EARS2: variants seen among roughly 807,000 people sequenced by gnomAD.
EARS2 encodes the protein nondiscriminating glutamyl-tRNA synthetase EARS2, mitochondrial.
In EARS2, 50 loss-of-function variants were observed where a neutral mutation model predicts 54.1. That is an observed-to-expected ratio of 0.92 (90% CI 0.74 to 1.17). The LOEUF is 1.17. Ranked by LOEUF, EARS2 falls within the 50% of genes most tolerant of loss-of-function variation. The pLI is 0.00. For missense variants in EARS2, 673 were observed against 675.0 expected (o/e 1.00, Z 0.03); for synonymous variants, 298 against 281.0 (o/e 1.06, Z -0.61).
intron 2 of EARS2, among the ~76,000 whole-genome samples, chr16:23,550,507 G>A (rs373147414): frequency 3.1e-5 from 4 of 128,184 alleles, no homozygotes; most frequent in South Asian, 2.5e-4. Flanking sequence ...ATGCAATCTC[G>A]GCTCACTGCA....
At chr16:23,556,451 T>C (rs1965787315) in intron 1 of EARS2, among the ~76,000 whole-genome samples, 1 of 152,186 alleles carries the variant, frequency 6.6e-6, no homozygotes, top group African/African-American at 2.4e-5. Flanking sequence ...ACCTCCTGCG[T>C]TCAAGCGATT....
chr16:23,525,214 G>A, intron 8 of EARS2, 30 bp downstream of exon 8: 1 of 1,614,092 alleles, frequency 6.2e-7, no homozygotes, highest in South Asian at 1.1e-5. Context: ...GGGGCTCCAG[G>A]GAACAATCCA....
At chr16:23,546,307 G>A (rs1965601855) in intron 2 of EARS2, 2 of 439,266 alleles carry the variant, frequency 4.6e-6, no homozygotes, top group Admixed American at 5.1e-5. Flanking sequence ...GAATTGGGAA[G>A]ATAAGGACAT....
intron 2 of EARS2, among the ~76,000 whole-genome samples, chr16:23,550,441 T>TTTC (rs1965676084): frequency 7.0e-6 from 1 of 143,164 alleles, no homozygotes; most frequent in Non-Finnish European, 1.5e-5. Context: ...TGGTCTTTTT[T>TTTC]TTTTTTTTTT....
At chr16:23,527,274 G>T (rs968475845) in intron 7 of EARS2, among the ~76,000 whole-genome samples, 1 of 152,110 alleles carries the variant, frequency 6.6e-6, no homozygotes, top group African/African-American at 2.4e-5. Flanking sequence ...CCTCCCTTCA[G>T]TTATTACTGG....
intron 5 of EARS2, among the ~76,000 whole-genome samples, chr16:23,530,569 G>C (rs1351843887): frequency 1.3e-5 from 2 of 151,772 alleles, no homozygotes; most frequent in African/African-American, 4.8e-5. Context: ...ACTCAGTCCT[G>C]CTGGACCTGG....
chr16:23,544,567 G>A lies in EARS2; in HGVS notation c.432C>T (p.Pro144=). The change falls in exon 3 of 9, where the codon CCC becomes CCT. Residue 144 remains proline (P), a synonymous_variant. Coordinates refer to ENST00000449606, the MANE Select transcript of EARS2 (RefSeq NM_001083614.2). The part of the protein sequence containing the change: ...TGAAYPCFCS[P]QRLELLKKEA... ...CCTTCTTCAGGAGCTCCAGCCGCTG[G>A]GGTGAGCAGAAACAGGGGTAAGCAG... is the stretch of plus-strand genomic sequence containing the variant. 1.2e-6 allele frequency: 2 copies of A among 1,614,140 alleles called. No individual in the cohort carries two copies. Among genetic ancestry groups the A allele is most frequent in the Non-Finnish European group, 1.7e-6 (2 of 1,180,012 alleles).
At chr16:23,537,019 G>T in intron 3 of EARS2, 1 of 176,848 alleles carries the variant, frequency 5.7e-6, no homozygotes. Context: ...TTGCACATGA[G>T]TGAACAGGAG....
At position 23,525,318 on chromosome 16, in the gene EARS2, GC is replaced by G. The variant is rs1458297643; in HGVS notation, c.1413del (p.Lys471AsnfsTer14). On this transcript the variant is annotated frameshift_variant, in exon 8 of 9. Transcript: ENST00000449606. LOFTEE classifies it high-confidence loss of function. ...TTGGTGCCTTCCAGACCTTCTGATA[GC>G]TTCTTCAGTTCTCCATTCAGCATAT... is the stretch of plus-strand genomic sequence containing the variant. ...TQDMLNGELK[K>X]LSEGLEGTKY... is the part of the protein sequence containing the mutation. 9.3e-6 allele frequency: 15 copies of G among 1,613,932 alleles called. No individual in the cohort carries two copies. Among genetic ancestry groups the G allele is most frequent in the Non-Finnish European group, 1.2e-5 (14 of 1,180,004 alleles).
rs549370113 is a variant in EARS2 at position 23,534,788 on chromosome 16, G to A, written c.958+100C>T. ...CTTGTCCAAGGTCACCTGGCTGGTA[G>A]GTGGCAAAGCTGGGACCAAAGAGCA... On this transcript the variant is annotated intron_variant, in intron 4 of 8. Transcript: ENST00000449606. 63 of 1,047,270 alleles carry A rather than the reference G, an allele frequency of 6.0e-5. No individual in the cohort carries two copies. In the East Asian group the frequency reaches 1.5e-3, roughly 25 times the overall value. 64.9% of individuals were successfully genotyped at this position (1,047,270 alleles called of 1,614,324 possible). A position where few individuals can be genotyped will look rare whatever the true frequency, so the allele number is the denominator to read the frequency against.
chr16:23,557,218 A>C lies in EARS2; in HGVS notation c.126T>G (p.Ala42=). Reference sequence around the variant, plus strand: ...CGCCAGGGTTACCTGTGGGGCTGGGAGCGAACCGCACTCGCACCGCAACCC... The same window carrying C: ...CGCCAGGGTTACCTGTGGGGCTGGGCGCGAACCGCACTCGCACCGCAACCC... ...DAGVAVRVRF[A]PSPTGFLHLG... The change falls in exon 1 of 9, where the codon GCT becomes GCG. Residue 42 remains alanine (A), a synonymous_variant. Coordinates refer to ENST00000449606, the MANE Select transcript of EARS2 (RefSeq NM_001083614.2). The C allele has an allele frequency of 6.6e-7, 1 of 1,515,978 alleles. No homozygotes were observed. Among genetic ancestry groups the C allele is most frequent in the Non-Finnish European group, 8.8e-7 (1 of 1,140,554 alleles). The allele number at this position is 1,515,978 out of a possible 1,614,324, so 93.9% of individuals were successfully genotyped here.
intron 1 of EARS2, among the ~76,000 whole-genome samples, chr16:23,553,509 C>G (rs577930260): frequency 6.6e-6 from 1 of 151,978 alleles, no homozygotes; most frequent in Non-Finnish European, 1.5e-5. Flanking sequence ...CTAATCCCAG[C>G]ACTTTTGGAG....
At chr16:23,538,973 C>CTTTTTTT (rs34153998) in intron 3 of EARS2, among the ~76,000 whole-genome samples, 2 of 83,842 alleles carry the variant, frequency 2.4e-5, no homozygotes, top group Non-Finnish European at 4.6e-5. Context: ...GGCCCCCCTC[C>CTTTTTTT]TTTTTTTTTT....
chr16:23,534,236 C>G (rs1209415643), intron 4 of EARS2, among the ~76,000 whole-genome samples: 1 of 152,184 alleles, frequency 6.6e-6, no homozygotes, highest in South Asian at 2.1e-4. Context: ...CTCTTACAAA[C>G]AGTGGAGATA....
At chr16:23,557,113 G>A (rs759457201) in intron 1 of EARS2, 92 bp downstream of exon 1, 42 of 1,467,722 alleles carry the variant, frequency 2.9e-5, no homozygotes, top group South Asian at 1.8e-4. Flanking sequence ...CGCCCACTCT[G>A]ACACCACCGG....
chr16:23,521,700 C>A lies in EARS2; in HGVS notation c.*2671G>T. 1 of 455,284 alleles carries A rather than the reference C, an allele frequency of 2.2e-6. No individual in the cohort carries two copies. The highest frequency in any genetic ancestry group is 3.3e-4 in the Middle Eastern group (1 of 3,062). The allele number at this position is 455,284 out of a possible 1,614,324, so 28.2% of individuals were successfully genotyped here. ...ATTTGTCCTTTTGTGACTGACATTT[C>A]ATTTAGCATGAAGTCCTAGAGGTTC... On this transcript the variant is annotated 3_prime_UTR_variant, in exon 9 of 9. Coordinates refer to ENST00000449606, the MANE Select transcript of EARS2 (RefSeq NM_001083614.2).
chr16:23,530,004 A>G (rs1008398907), intron 5 of EARS2, 107 bp from the exon 6 acceptor site: 2 of 1,385,184 alleles, frequency 1.4e-6, no homozygotes, highest in Admixed American at 2.3e-5. Context: ...ATCAGGTCCC[A>G]TGAGCCCTCC....
chr16:23,551,777 C>T (rs991286922), intron 2 of EARS2, among the ~76,000 whole-genome samples: 19 of 152,158 alleles, frequency 1.2e-4, no homozygotes, highest in Admixed American at 7.9e-4. Flanking sequence ...AAAACTTAGC[C>T]GGGCGTGGTG....
chr16:23,526,013 A>AAT (rs1965221482), intron 7 of EARS2, among the ~76,000 whole-genome samples: 1 of 151,208 alleles, frequency 6.6e-6, no homozygotes, highest in South Asian at 2.1e-4. Context: ...AAAAAAAAAA[A>AAT]AATAATAGTA....
Sources: gnomAD v4.1 joint callset for allele counts (sites outside exome capture counted in the v4.1 genomes callset) on GRCh38, gnomAD v4.1.1 for gene constraint, MANE v1.5 for transcripts, NCBI Gene and HGNC (gene_info 2026-07-23, HGNC 2026-07-21) for gene names.